CFAP46: variants seen among roughly 807,000 people sequenced by gnomAD.
The protein encoded by CFAP46 is cilia- and flagella-associated protein 46.
In CFAP46, 245 loss-of-function variants were observed where a neutral mutation model predicts 325.7. The ratio of observed to expected loss-of-function variants is 0.75; its 90% CI spans 0.68 to 0.84. CFAP46 has a LOEUF of 0.84. CFAP46 is among the 40% of genes least tolerant of loss of function. The pLI is 0.00. For missense variants in CFAP46, 3,346 were observed against 3,543.0 expected (o/e 0.94, Z 1.41); for synonymous variants, 1,523 against 1,495.9 (o/e 1.02, Z -0.42).
At position 132,808,885 on chromosome 10, in the gene CFAP46, C is replaced by T. The variant is rs1374351419; in HGVS notation, c.7684G>A (p.Glu2562Lys). Residue 2562 changes from glutamate (E) to lysine (K), a missense_variant, in exon 58 of 58, where the codon GAA becomes AAA. Transcript: ENST00000368586. The surrounding 1 kb of genome is among the most constrained non-coding windows in gnomAD (Gnocchi z 6.8). ...GEPRRGFSDLEGQAAAAPKLR... is the reference protein window; with the variant it reads ...GEPRRGFSDLKGQAAAAPKLR... ...TTTGGAGCAGCAGCAGCTTGTCCTT[C>T]AAGGTCTGAGAAGCCTCGTCTGTGG... The T allele has an allele frequency of 6.3e-7, 1 of 1,594,038 alleles. No homozygotes were observed. Among genetic ancestry groups the T allele is most frequent in the East Asian group, 2.3e-5 (1 of 44,354 alleles).
chr10:132,847,947 A>G lies in CFAP46; in HGVS notation c.5953-626T>C, dbSNP rs1848467844. Among the ~76,000 whole-genome samples the G allele has an allele frequency of 6.6e-6, 1 of 152,222 alleles. No homozygotes were observed. The highest frequency in any genetic ancestry group is 1.5e-5 in the Non-Finnish European group (1 of 68,026). On this transcript the variant is annotated intron_variant, in intron 41 of 57. Transcript: ENST00000368586. The surrounding 1 kb of genome is among the most constrained non-coding windows in gnomAD (Gnocchi z 5.2). The stretch of plus-strand genomic sequence containing the variant: ...CTAGTAGGCTGCCTGAATGCAGGCA[A>G]AAACCAGCAAGCACGCTGGAGGCAG...
rs367891002 is a variant in CFAP46, at chr10:132,929,993, C to T, written c.867-189G>A. Among the ~76,000 whole-genome samples the T allele has an allele frequency of 3.3e-4, 50 of 152,194 alleles. No homozygotes were observed. In the Middle Eastern group the frequency reaches 0.01, roughly 31 times the overall value. ...CCAGCAGGGCTTCAAGCTACAGCAC[C>T]GGAGCCCAGCAGTCTCCCGGGGCCA... On this transcript the variant is annotated intron_variant, in intron 8 of 57. Coordinates refer to ENST00000368586, the MANE Select transcript of CFAP46 (RefSeq NM_001200049.3).
intron 38 of CFAP46, among the ~76,000 whole-genome samples, chr10:132,858,233 A>T (rs1175515932): frequency 1.4e-5 from 2 of 140,082 alleles, no homozygotes; most frequent in Non-Finnish European, 1.5e-5. Flanking sequence ...CGGGGGCCAT[A>T]GGTTGGGGGC....
At chr10:132,881,132 T>A in intron 27 of CFAP46, 100 bp from the exon 28 acceptor site, 1 of 1,179,802 alleles carries the variant, frequency 8.5e-7, no homozygotes, top group Non-Finnish European at 1.2e-6. Flanking sequence ...CAAGAAAAGC[T>A]TCATTCTTAC....
At chr10:132,812,924 A>G (rs559705795) in intron 54 of CFAP46, 27 bp from the exon 55 acceptor site, 13 of 1,570,664 alleles carry the variant, frequency 8.3e-6, no homozygotes, top group Admixed American at 1.7e-5. Flanking sequence ...GCGCTGGTCA[A>G]CAGTGCCCAT....
intron 44 of CFAP46, among the ~76,000 whole-genome samples, chr10:132,845,033 C>T (rs1189440717): frequency 6.6e-6 from 1 of 152,090 alleles, no homozygotes; most frequent in African/African-American, 2.4e-5. Context: ...CCACAGGCAC[C>T]CCCCTGCATG....
chr10:132,933,186 C>T (rs1235211295), intron 8 of CFAP46, among the ~76,000 whole-genome samples: 5 of 152,216 alleles, frequency 3.3e-5, no homozygotes, highest in Admixed American at 6.5e-5. Context: ...GACGCTTCTC[C>T]GCCCCTCGTC....
intron 35 of CFAP46, among the ~76,000 whole-genome samples, chr10:132,862,282 C>T (rs764698826): frequency 2.6e-4 from 39 of 152,158 alleles, no homozygotes; most frequent in Non-Finnish European, 2.2e-4. Context: ...CCAACGGGGC[C>T]GGGCCCCTGC....
rs895441768 is a variant in CFAP46, at chr10:132,869,140, G to A, written c.4610+134C>T. ...CGACCCAGGAGAACCGGCCACAGCCGTGTCCCCCAAGTGCTCACTCTCCCC... is the reference window on the plus strand; with the variant it reads ...CGACCCAGGAGAACCGGCCACAGCCATGTCCCCCAAGTGCTCACTCTCCCC... On this transcript the variant is annotated intron_variant, in intron 33 of 57. Transcript: ENST00000368586. The surrounding 1 kb of genome is among the most constrained non-coding windows in gnomAD (Gnocchi z 6.2). The A allele has an allele frequency of 2.9e-5, 18 of 618,558 alleles. No individual in the cohort carries two copies. Among genetic ancestry groups the A allele is most frequent in the African/African-American group, 2.3e-4 (12 of 51,846 alleles). The allele number at this position is 618,558 out of a possible 1,614,324, so 38.3% of individuals were successfully genotyped here.
chr10:132,848,430 C>A (rs775421334), intron 41 of CFAP46, among the ~76,000 whole-genome samples: 1 of 151,736 alleles, frequency 6.6e-6, no homozygotes, highest in Non-Finnish European at 1.5e-5. Flanking sequence ...ACTGGTGAGT[C>A]GGGGGGAGGG....
chr10:132,906,754 CCGTCCTGGG>C lies in CFAP46; in HGVS notation c.2924+1705_2924+1713del. ...GAACGGGGTCCTGGCGCGTGATGCC[CCGTCCTGGG>C]CACCGAGAAGAGTGAACGGGGTCCT... On this transcript the variant is annotated intron_variant, in intron 22 of 57. Transcript: ENST00000368586. 2.1e-4 allele frequency among the ~76,000 whole-genome samples: 21 copies of C among 101,072 alleles called. 6 individuals carry two copies. The highest frequency in any genetic ancestry group is 1.2e-3 in the African/African-American group (21 of 17,546). 66.3% of individuals were successfully genotyped at this position (101,072 alleles called of 152,430 possible). A position where few individuals can be genotyped will look rare whatever the true frequency, so the allele number is the denominator to read the frequency against.
rs141349077 is a variant in CFAP46, at chr10:132,870,971, G to C, written c.4512-1599C>G. On this transcript the variant is annotated intron_variant, in intron 32 of 57. Transcript: ENST00000368586. ...CTGGCTTCCAAGCTTCCAAGCACAG[G>C]CTGACTCTCTTGCTAGGGGCTAACG... 4.3e-3 allele frequency among the ~76,000 whole-genome samples: 661 copies of C among 152,344 alleles called. 7 individuals are homozygous for C. The highest frequency in any genetic ancestry group is 0.015 in the African/African-American group (608 of 41,570).
At chr10:132,862,410 C>A (rs1015889409) in intron 35 of CFAP46, among the ~76,000 whole-genome samples, 1 of 137,394 alleles carries the variant, frequency 7.3e-6, no homozygotes. Flanking sequence ...GGGTGAGGAG[C>A]GCCCAGAAGG....
rs116375416 is a variant in CFAP46, at chr10:132,912,962, G to A, written c.2333+84C>T. 700 of 1,498,030 alleles carry A rather than the reference G, an allele frequency of 4.7e-4. 7 individuals carry two copies. In the African/African-American group the frequency reaches 8.9e-3, roughly 19 times the overall value. 92.8% of individuals were successfully genotyped at this position (1,498,030 alleles called of 1,614,324 possible). On this transcript the variant is annotated intron_variant, in intron 18 of 57. Transcript: ENST00000368586. ...CCTCTGCTGGGACACAGAGGGCCAT[G>A]GAGTGCAGCTGCCTGCCTTTGCTCT...
Position 132,893,891 on chromosome 10 carries a change from G to A in CFAP46, c.3220-1474C>T, listed in dbSNP as rs180813587. Among the ~76,000 whole-genome samples the A allele has an allele frequency of 3.4e-4, 51 of 152,212 alleles. 1 individual carries two copies. In the East Asian group the frequency reaches 7.3e-3, roughly 22 times the overall value. On this transcript the variant is annotated intron_variant, in intron 24 of 57. Coordinates refer to ENST00000368586, the MANE Select transcript of CFAP46 (RefSeq NM_001200049.3). ...GCAGCCCCCTGTGGGTTTGCCGCAG[G>A]TAACACGCTTTGAGGTTGCTGCAGC... is the stretch of plus-strand genomic sequence containing the variant.
intron 35 of CFAP46, among the ~76,000 whole-genome samples, chr10:132,864,987 C>T (rs940584313): frequency 2.0e-5 from 3 of 152,128 alleles, no homozygotes; most frequent in Non-Finnish European, 4.4e-5. Flanking sequence ...CTGCACACAC[C>T]TGCCCTCAGT....
chr10:132,890,319 A>G (rs1849237008), intron 25 of CFAP46, among the ~76,000 whole-genome samples: 1 of 152,150 alleles, frequency 6.6e-6, no homozygotes, highest in Non-Finnish European at 1.5e-5. Flanking sequence ...CTCGTGAAAC[A>G]CCCCACAGGG....
chr10:132,808,623 C>T lies in CFAP46; in HGVS notation c.7946G>A (p.Arg2649Lys). 6.2e-7 allele frequency: 1 copy of T among 1,609,396 alleles called. No homozygotes were observed. Among genetic ancestry groups the T allele is most frequent in the East Asian group, 2.2e-5 (1 of 44,762 alleles). The change falls in exon 58 of 58, where the codon AGG (arginine) becomes AAG (lysine). Residue 2649 changes from arginine (R) to lysine (K), a missense_variant. Coordinates refer to ENST00000368586, the MANE Select transcript of CFAP46 (RefSeq NM_001200049.3). This position sits in a 1 kb window ranked among gnomAD's most constrained non-coding sequence, Gnocchi z 6.8. ...GCGGGAAGTCGCTGGGGGAGGGTCC[C>T]TGGCTGAGGCTGCACCAAGGGCTGG... ...LSPALGAASA[R>K]DPPPATSRKA...
At position 132,837,468 on chromosome 10, in the gene CFAP46, C is replaced by G. The variant is rs574695739; in HGVS notation, c.6439-554G>C. ...ATAGACGTGCTCACGCGGACATGCA[C>G]AGACACACACATGCACACGTACACA... is the stretch of plus-strand genomic sequence containing the variant. On this transcript the variant is annotated intron_variant, in intron 44 of 57. Coordinates refer to ENST00000368586, the MANE Select transcript of CFAP46 (RefSeq NM_001200049.3). Among the ~76,000 whole-genome samples, 6 of 125,776 alleles carry G rather than the reference C, an allele frequency of 4.8e-5. No homozygotes were observed. In the East Asian group the frequency reaches 6.1e-4, roughly 13 times the overall value. The allele number at this position is 125,776 out of a possible 152,430, so 82.5% of individuals were successfully genotyped here. A position where few individuals can be genotyped will look rare whatever the true frequency, so the allele number is the denominator to read the frequency against.
Sources: gnomAD v4.1 joint callset for allele counts (sites outside exome capture counted in the v4.1 genomes callset) on GRCh38, gnomAD v4.1.1 for gene constraint, Gnocchi (gnomAD v3.1) non-coding constraint, MANE v1.5 for transcripts, NCBI Gene and HGNC (gene_info 2026-07-23, HGNC 2026-07-21) for gene names.